The following PCDH9 variants were observed in gnomAD, a reference collection of about 807,000 sequenced individuals.
The protein encoded by PCDH9 is protocadherin-9.
A neutral mutation model predicts 70.6 loss-of-function variants in PCDH9; 24 were observed. The ratio of observed to expected loss-of-function variants is 0.34; its 90% CI spans 0.25 to 0.48. The LOEUF is 0.48. Among genes scored for constraint, PCDH9 ranks in the 20% least tolerant of loss-of-function variants. The pLI, the probability that PCDH9 is intolerant of heterozygous loss-of-function variation, is 0.99. For synonymous variants in PCDH9, 562 were observed against 558.5 expected (o/e 1.01, Z -0.09); for missense variants, 1,281 against 1,503.6 (o/e 0.85, Z 2.45).
chr13:66,377,954 A>G lies in PCDH9; in HGVS notation c.3341-72926T>C, dbSNP rs182733883. On this transcript the variant is annotated intron_variant, in intron 4 of 4. Coordinates refer to ENST00000377865, the MANE Select transcript of PCDH9 (RefSeq NM_203487.3). The stretch of plus-strand genomic sequence containing the variant: ...CTGTCACAAGATTTTCAAAGTCAAC[A>G]TTTCAGTAATAGTTCCAATTCTGTT... Among the ~76,000 whole-genome samples the G allele has an allele frequency of 6.6e-5, 10 of 152,246 alleles. No homozygotes were observed. In the East Asian group the frequency reaches 1.7e-3, roughly 26 times the overall value.
intron 3 of PCDH9, among the ~76,000 whole-genome samples, chr13:66,757,784 C>G (rs2079559402): frequency 6.6e-6 from 1 of 151,968 alleles, no homozygotes; most frequent in African/African-American, 2.4e-5. Flanking sequence ...ATCAATTAAA[C>G]CAAAGTTTGA....
At chr13:67,040,157 C>T (rs894243532) in intron 2 of PCDH9, among the ~76,000 whole-genome samples, 27 of 152,106 alleles carry the variant, frequency 1.8e-4, no homozygotes, top group African/African-American at 6.3e-4. Context: ...TAATCAGTGG[C>T]CCCTTTAATC....
chr13:66,736,130 A>T (rs2079145206), intron 3 of PCDH9, among the ~76,000 whole-genome samples: 1 of 152,192 alleles, frequency 6.6e-6, no homozygotes, highest in African/African-American at 2.4e-5. Flanking sequence ...ATGATAATTA[A>T]TATATTTATG....
At chr13:66,795,805 T>C (rs2080231349) in intron 3 of PCDH9, among the ~76,000 whole-genome samples, 1 of 152,196 alleles carries the variant, frequency 6.6e-6, no homozygotes, top group African/African-American at 2.4e-5. Context: ...ACTGAACTTT[T>C]ACTGTGGCTA....
At chr13:67,106,822 A>T (rs111398912) in intron 2 of PCDH9, among the ~76,000 whole-genome samples, 1 of 152,102 alleles carries the variant, frequency 6.6e-6, no homozygotes, top group African/African-American at 2.4e-5. Context: ...CCACCTCTCC[A>T]ATTTTGGAAC....
At chr13:66,706,932 G>C (rs1001646395) in intron 3 of PCDH9, among the ~76,000 whole-genome samples, 1 of 152,202 alleles carries the variant, frequency 6.6e-6, no homozygotes, top group Non-Finnish European at 1.5e-5. Context: ...GGCCAGGGAT[G>C]TTGGGGTGCT....
intron 4 of PCDH9, among the ~76,000 whole-genome samples, chr13:66,319,930 C>G (rs1346164321): frequency 6.6e-6 from 1 of 152,002 alleles, no homozygotes; most frequent in Non-Finnish European, 1.5e-5. Context: ...CATCCTCTAC[C>G]ATTAATGCTG....
chr13:66,951,273 A>G (rs186542204), intron 2 of PCDH9, among the ~76,000 whole-genome samples: 28 of 152,306 alleles, frequency 1.8e-4, no homozygotes, highest in African/African-American at 6.5e-4. Flanking sequence ...GTGAAGATAC[A>G]TAGTGACACA....
At chr13:66,421,194 C>G (rs1476220846) in intron 4 of PCDH9, among the ~76,000 whole-genome samples, 2 of 152,008 alleles carry the variant, frequency 1.3e-5, no homozygotes, top group African/African-American at 4.8e-5. Flanking sequence ...AAGACCAAAC[C>G]TATGTTTGAT....
intron 4 of PCDH9, among the ~76,000 whole-genome samples, chr13:66,626,765 C>T (rs1169535610): frequency 6.6e-6 from 1 of 152,034 alleles, no homozygotes; most frequent in African/African-American, 2.4e-5. Flanking sequence ...TACACAAAAC[C>T]TATCAATTAT....
At chr13:67,017,651 T>C (rs558510459) in intron 2 of PCDH9, among the ~76,000 whole-genome samples, 12 of 152,348 alleles carry the variant, frequency 7.9e-5, no homozygotes, top group African/African-American at 2.2e-4. Flanking sequence ...TTTTAGAACT[T>C]AATTATATCC....
intron 3 of PCDH9, among the ~76,000 whole-genome samples, chr13:66,846,459 G>A (rs1002417538): frequency 1.8e-4 from 28 of 151,970 alleles, no homozygotes; most frequent in African/African-American, 6.8e-4. Flanking sequence ...AATACTAGAA[G>A]TGGAAAACAA....
chr13:66,407,954 T>G (rs995245343), intron 4 of PCDH9, among the ~76,000 whole-genome samples: 8 of 152,196 alleles, frequency 5.3e-5, no homozygotes, highest in African/African-American at 1.7e-4. Flanking sequence ...TTCACTAGAA[T>G]GCAGTGGATT....
At chr13:67,008,018 AAT>A (rs1189045724) in intron 2 of PCDH9, among the ~76,000 whole-genome samples, 2 of 152,112 alleles carry the variant, frequency 1.3e-5, no homozygotes, top group African/African-American at 2.4e-5. Context: ...ATGAAACACA[AAT>A]ATATTTATTA....
intron 4 of PCDH9, among the ~76,000 whole-genome samples, chr13:66,504,356 TCA>T (rs1959192864): frequency 6.6e-6 from 1 of 152,206 alleles, no homozygotes; most frequent in African/African-American, 2.4e-5. Flanking sequence ...AATATTTCTT[TCA>T]GTTTCTCCCT....
chr13:66,827,724 A>G (rs913892081), intron 3 of PCDH9, among the ~76,000 whole-genome samples: 2 of 152,190 alleles, frequency 1.3e-5, no homozygotes, highest in Non-Finnish European at 2.9e-5. Flanking sequence ...TGGAAAGAAA[A>G]TCAGAGTTCA....
intron 4 of PCDH9, among the ~76,000 whole-genome samples, chr13:66,353,605 G>A (rs1956329102): frequency 6.6e-6 from 1 of 151,754 alleles, no homozygotes; most frequent in African/African-American, 2.4e-5. Flanking sequence ...AGTTTCTACT[G>A]GTGTTTCTCT....
chr13:67,073,620 G>A (rs1042032531), intron 2 of PCDH9, among the ~76,000 whole-genome samples: 2 of 151,836 alleles, frequency 1.3e-5, no homozygotes, highest in Non-Finnish European at 2.9e-5. Flanking sequence ...ATAGTTTTGA[G>A]ATTCAAAATC....
chr13:66,449,123 A>G (rs1193584186), intron 4 of PCDH9, among the ~76,000 whole-genome samples: 1 of 152,136 alleles, frequency 6.6e-6, no homozygotes, highest in Non-Finnish European at 1.5e-5. Flanking sequence ...TCCATAAAAC[A>G]CTGACTGGAA....
Sources: gnomAD v4.1 joint callset for allele counts (sites outside exome capture counted in the v4.1 genomes callset) on GRCh38, gnomAD v4.1.1 for gene constraint, MANE v1.5 for transcripts, NCBI Gene and HGNC (gene_info 2026-07-23, HGNC 2026-07-21) for gene names.